The following NCALD variants were observed in gnomAD, a reference collection of about 807,000 sequenced individuals.
The protein encoded by NCALD is neurocalcin-delta.
In NCALD, 10 loss-of-function variants were observed where a neutral mutation model predicts 18.6. The ratio of observed to expected loss-of-function variants is 0.54; its 90% CI spans 0.33 to 0.91. NCALD has a LOEUF of 0.91. Among genes scored for constraint, NCALD ranks in the 40% least tolerant of loss-of-function variants. The pLI is 0.03. For missense variants in NCALD, 184 were observed against 247.6 expected (o/e 0.74, Z 1.72); for synonymous variants, 88 against 87.4 (o/e 1.01, Z -0.04).
rs1814556243 is a variant in NCALD, at chr8:101,688,342, T to A, written c.*967A>T. The A allele has an allele frequency of 9.2e-6, 2 of 216,618 alleles. No homozygotes were observed. Among genetic ancestry groups the A allele is most frequent in the South Asian group, 1.4e-4 (2 of 14,564 alleles). The allele number at this position is 216,618 out of a possible 1,614,324, so 13.4% of individuals were successfully genotyped here. On this transcript the variant is annotated 3_prime_UTR_variant, in exon 4 of 4. Transcript: ENST00000220931. Reference sequence around the variant, plus strand: ...ATTAAAGTTGGGCCCTAGTCAGGGTTACTTTGTATTTTTATGGAATATATA... The same window carrying A: ...ATTAAAGTTGGGCCCTAGTCAGGGTAACTTTGTATTTTTATGGAATATATA...
intron 2 of NCALD, among the ~76,000 whole-genome samples, chr8:101,923,403 C>T (rs1285097600): frequency 6.6e-6 from 1 of 152,202 alleles, no homozygotes; most frequent in Non-Finnish European, 1.5e-5. Flanking sequence ...GGTCTAACCC[C>T]ACCTTGGCCA....
intron 2 of NCALD, among the ~76,000 whole-genome samples, chr8:101,956,662 C>T (rs1388422985): frequency 6.6e-6 from 1 of 151,928 alleles, no homozygotes; most frequent in Non-Finnish European, 1.5e-5. Flanking sequence ...AGACTATCTA[C>T]TCTGGACCAT....
intron 4 of NCALD, among the ~76,000 whole-genome samples, chr8:101,844,640 T>G (rs1051732766): frequency 2.6e-5 from 4 of 152,052 alleles, no homozygotes; most frequent in Non-Finnish European, 4.4e-5. Context: ...GGATTACAGG[T>G]GTGAGCCACT....
At chr8:101,812,517 C>T (rs1258455224) in intron 4 of NCALD, among the ~76,000 whole-genome samples, 3 of 152,058 alleles carry the variant, frequency 2.0e-5, no homozygotes, top group South Asian at 4.1e-4. Context: ...GGCTTTTTCT[C>T]CAAGCAATTT....
At chr8:102,031,333 T>C (rs1315334539) in intron 1 of NCALD, among the ~76,000 whole-genome samples, 1 of 152,164 alleles carries the variant, frequency 6.6e-6, no homozygotes, top group Non-Finnish European at 1.5e-5. Context: ...CCAACGTTCA[T>C]TAAATGAGCA....
intron 2 of NCALD, among the ~76,000 whole-genome samples, chr8:101,707,971 T>C (rs1381964986): frequency 6.6e-6 from 1 of 152,160 alleles, no homozygotes; most frequent in African/African-American, 2.4e-5. Flanking sequence ...TTCTAAGTAG[T>C]AAAAGTGCTG....
At chr8:101,822,783 C>T (rs1276679939) in intron 4 of NCALD, among the ~76,000 whole-genome samples, 2 of 152,190 alleles carry the variant, frequency 1.3e-5, no homozygotes, top group East Asian at 3.8e-4. Flanking sequence ...AGGGTGCTGG[C>T]CCCCCTCTGC....
At chr8:102,110,841 A>G (rs1314677549) in intron 1 of NCALD, among the ~76,000 whole-genome samples, 1 of 152,214 alleles carries the variant, frequency 6.6e-6, no homozygotes, top group Non-Finnish European at 1.5e-5. Context: ...TGACCAAATG[A>G]CCAAAAATAG....
At chr8:101,949,961 C>T (rs749950598) in intron 2 of NCALD, among the ~76,000 whole-genome samples, 1 of 152,164 alleles carries the variant, frequency 6.6e-6, no homozygotes, top group Non-Finnish European at 1.5e-5. Context: ...AAAGTTCTTC[C>T]ACTTGGTTGT....
At chr8:102,034,281 T>C (rs1458763624) in intron 1 of NCALD, among the ~76,000 whole-genome samples, 1 of 152,222 alleles carries the variant, frequency 6.6e-6, no homozygotes, top group Non-Finnish European at 1.5e-5. Flanking sequence ...GGAATTAACA[T>C]CATCAACATA....
chr8:102,120,967 T>G (rs767875975), intron 1 of NCALD, among the ~76,000 whole-genome samples: 2 of 152,334 alleles, frequency 1.3e-5, no homozygotes, highest in Middle Eastern at 3.4e-3. Flanking sequence ...TGGTAAAGAC[T>G]ATTCCCTAAT....
intron 2 of NCALD, among the ~76,000 whole-genome samples, chr8:101,700,087 G>T (rs1431907375): frequency 6.6e-6 from 1 of 150,560 alleles, no homozygotes; most frequent in Admixed American, 6.6e-5. Flanking sequence ...TTGAGAAAAG[G>T]TCTCATTCTG....
At chr8:102,041,748 A>G (rs1346723562) in intron 1 of NCALD, among the ~76,000 whole-genome samples, 1 of 149,652 alleles carries the variant, frequency 6.7e-6, no homozygotes, top group Non-Finnish European at 1.5e-5. Flanking sequence ...AGAATTCTCC[A>G]CTTGGCCTGT....
intron 4 of NCALD, among the ~76,000 whole-genome samples, chr8:101,842,560 C>T (rs552517040): frequency 6.6e-6 from 1 of 152,330 alleles, no homozygotes; most frequent in South Asian, 2.1e-4. Flanking sequence ...TTGGAATTAT[C>T]CTTATGTTAG....
At chr8:102,075,431 A>G (rs1308167513) in intron 1 of NCALD, among the ~76,000 whole-genome samples, 2 of 152,176 alleles carry the variant, frequency 1.3e-5, no homozygotes, top group East Asian at 3.8e-4. Context: ...ACCAAGGCAG[A>G]GGATTGTCTA....
intron 2 of NCALD, among the ~76,000 whole-genome samples, chr8:102,006,052 G>A (rs1051843912): frequency 2.6e-5 from 4 of 151,666 alleles, no homozygotes; most frequent in Non-Finnish European, 5.9e-5. Context: ...AAACTGGAGA[G>A]TTAACAAAAT....
chr8:102,099,981 C>CAAAAAAAAA (rs1360552443), intron 1 of NCALD, among the ~76,000 whole-genome samples: 2 of 73,310 alleles, frequency 2.7e-5, no homozygotes, highest in Non-Finnish European at 2.9e-5. Flanking sequence ...GACTCTGTCT[C>CAAAAAAAAA]AAAAAAAAAA....
At chr8:101,808,230 C>A (rs1030017711) in intron 4 of NCALD, among the ~76,000 whole-genome samples, 1 of 152,128 alleles carries the variant, frequency 6.6e-6, no homozygotes, top group South Asian at 2.1e-4. Flanking sequence ...GAGTAGTAAG[C>A]ACCTGCTGCT....
chr8:101,991,669 T>C lies in NCALD; in HGVS notation c.-157+28568A>G, dbSNP rs183597016. Among the ~76,000 whole-genome samples, 26 of 152,134 alleles carry C rather than the reference T, an allele frequency of 1.7e-4. No individual in the cohort carries two copies. In the East Asian group the frequency reaches 4.8e-3, roughly 28 times the overall value. On this transcript the variant is annotated intron_variant, in intron 2 of 6. Coordinates refer to the NCALD transcript ENST00000311028. ...ACAAGACCCTGAAAAGAGAGAGCAA[T>C]ACAGCTCAGCGAACCATCCTGTGCA...
Sources: gnomAD v4.1 joint callset for allele counts (sites outside exome capture counted in the v4.1 genomes callset) on GRCh38, gnomAD v4.1.1 for gene constraint, MANE v1.5 for transcripts, NCBI Gene and HGNC (gene_info 2026-07-23, HGNC 2026-07-21) for gene names.